The following ENG variants were observed in gnomAD, a reference collection of about 807,000 sequenced individuals.
ENG encodes endoglin.
ENG carries 17 observed loss-of-function variants against 71.0 expected under a neutral mutation model. The observed-to-expected ratio is 0.24, with a 90% CI of 0.16 to 0.36. ENG has a LOEUF of 0.36. Among genes scored for constraint, ENG ranks in the 10% least tolerant of loss-of-function variants. ENG has a pLI of 1.00. For missense variants in ENG, 749 were observed against 868.3 expected (o/e 0.86, Z 1.73); for synonymous variants, 360 against 366.9 (o/e 0.98, Z 0.21).
chr9:127,818,679 G>A (rs763911667), intron 11 of ENG, 37 bp downstream of exon 11: 1 of 1,599,320 alleles, frequency 6.3e-7, no homozygotes, highest in Non-Finnish European at 8.6e-7. Flanking sequence ...AGTTCCAGGA[G>A]CTGGGAGGCC....
At chr9:127,826,927 C>T in intron 3 of ENG, 2 of 517,966 alleles carry the variant, frequency 3.9e-6, no homozygotes, top group Non-Finnish European at 7.0e-6. Context: ...ACATCACCCA[C>T]CCCTCCAGAG....
rs930804071 is a variant in ENG at position 127,838,753 on chromosome 9, G to A, written c.219+4341C>T. Among the ~76,000 whole-genome samples the A allele has an allele frequency of 2.6e-5, 4 of 152,136 alleles. No individual in the cohort carries two copies. The highest frequency in any genetic ancestry group is 4.8e-5 in the African/African-American group (2 of 41,426). On this transcript the variant is annotated intron_variant, in intron 2 of 14. Transcript: ENST00000373203. The surrounding 1 kb of genome is among the most constrained non-coding windows in gnomAD (Gnocchi z 4.3). ...TCCGAGGGTCAGGATGTGACCCTGG[G>A]CCCCCTCCCGGAATCCAGGCTCCGG...
In ENG at chr9:127,825,806, G is replaced by C; in HGVS notation, c.578C>G (p.Thr193Arg). The change falls in exon 5 of 15, where the codon ACG becomes AGG. Residue 193 changes from threonine (T) to arginine (R), a missense_variant. Coordinates refer to ENST00000373203, the MANE Select transcript of ENG (RefSeq NM_001114753.3). ...TGGAGTACGCGGCCGCCACTCGAGC[G>C]TGCGGCCCATGTCCTGGCTGGCTTC... ...MLEASQDMGR[T>R]LEWRPRTPAL... 3 of 1,597,316 alleles carry C rather than the reference G, an allele frequency of 1.9e-6. No individual in the cohort carries two copies. The highest frequency in any genetic ancestry group is 1.7e-6 in the Non-Finnish European group (2 of 1,172,906).
At chr9:127,852,784 C>T (rs1034004034) in intron 1 of ENG, among the ~76,000 whole-genome samples, 1 of 152,200 alleles carries the variant, frequency 6.6e-6, no homozygotes, top group Non-Finnish European at 1.5e-5. Context: ...GGAGTACTTA[C>T]GCTGTGAAAA....
chr9:127,825,430 G>A, intron 5 of ENG, 73 bp from the exon 6 acceptor site: 1 of 1,595,752 alleles, frequency 6.3e-7, no homozygotes, highest in Non-Finnish European at 8.5e-7. Context: ...GGCGTCGGGT[G>A]GGCGGCGGCT....
intron 8 of ENG, among the ~76,000 whole-genome samples, chr9:127,822,041 C>G (rs995665471): frequency 6.6e-6 from 1 of 151,752 alleles, no homozygotes; most frequent in Non-Finnish European, 1.5e-5. Context: ...CAGAGCAAGA[C>G]TGTCTCAAAG....
At chr9:127,849,447 C>T (rs1451417007) in intron 1 of ENG, among the ~76,000 whole-genome samples, 1 of 152,224 alleles carries the variant, frequency 6.6e-6, no homozygotes, top group East Asian at 1.9e-4. Context: ...CTGCCTCTGA[C>T]CTGCTGGGTG....
intron 1 of ENG, among the ~76,000 whole-genome samples, chr9:127,850,851 T>C (rs1174681288): frequency 1.3e-5 from 2 of 152,194 alleles, no homozygotes; most frequent in Non-Finnish European, 2.9e-5. Context: ...TGCATTGTGG[T>C]AGTATTTATA....
Position 127,838,530 on chromosome 9 carries a change from T to C in ENG, c.219+4564A>G, listed in dbSNP as rs1003491959. ...GCCTGCCCCTCTGGTCAAGAGTGAG[T>C]CAGTGCTGGGGCCTGACAGGCTGTG... On this transcript the variant is annotated intron_variant, in intron 2 of 14. Transcript: ENST00000373203. The surrounding 1 kb of genome is among the most constrained non-coding windows in gnomAD (Gnocchi z 4.3). Among the ~76,000 whole-genome samples the C allele has an allele frequency of 1.1e-4, 16 of 151,954 alleles. No individual in the cohort carries two copies. The highest frequency in any genetic ancestry group is 2.1e-4 in the Non-Finnish European group (14 of 67,966).
Position 127,846,888 on chromosome 9 carries a change from C to T in ENG, c.68-3643G>A, listed in dbSNP as rs1466594114. On this transcript the variant is annotated intron_variant, in intron 1 of 14. Coordinates refer to ENST00000373203, the MANE Select transcript of ENG (RefSeq NM_001114753.3). The surrounding 1 kb of genome is among the most constrained non-coding windows in gnomAD (Gnocchi z 5.5). Reference sequence around the variant, plus strand: ...CCCACCACTGTCCCCTCTCCACCCTCGCCACCCATGTGCACACAGCACCTC... The same window carrying T: ...CCCACCACTGTCCCCTCTCCACCCTTGCCACCCATGTGCACACAGCACCTC... 37 of 985,484 alleles carry T rather than the reference C, an allele frequency of 3.8e-5. No homozygotes were observed. The highest frequency in any genetic ancestry group is 4.2e-5 in the Non-Finnish European group (35 of 830,050). The allele number at this position is 985,484 out of a possible 1,614,324, so 61.0% of individuals were successfully genotyped here.
chr9:127,843,848 C>T (rs1158654300), intron 1 of ENG, among the ~76,000 whole-genome samples: 8 of 135,572 alleles, frequency 5.9e-5, no homozygotes, highest in South Asian at 2.3e-4. Flanking sequence ...CTTGGCTCAC[C>T]GCAACCTCCG....
chr9:127,828,019 CAAAAAAAAA>C (rs997493323), intron 3 of ENG, among the ~76,000 whole-genome samples: 19 of 31,194 alleles, frequency 6.1e-4, no homozygotes, highest in South Asian at 3.9e-3. Context: ...AACTCCATCT[CAAAAAAAAA>C]AAAAAAAAAA....
chr9:127,824,275 C>T (rs941569630), intron 8 of ENG, 29 bp downstream of exon 8: 2 of 1,613,920 alleles, frequency 1.2e-6, no homozygotes, highest in Non-Finnish European at 1.7e-6. Context: ...CCATGTCATC[C>T]TGAGCCAGAG....
In ENG at chr9:127,818,839, G is replaced by A. The variant is rs1055144238; in HGVS notation, c.1312-7C>T. On this transcript the variant is annotated splice_polypyrimidine_tract_variant and splice_region_variant and intron_variant, in intron 10 of 14. Coordinates refer to ENST00000373203, the MANE Select transcript of ENG (RefSeq NM_001114753.3). ...TGAGGCAGTGCACCTTTTTCTGGGG[G>A]AGGACGGGAGGGAGACTTGGTCAAT... 1.9e-6 allele frequency: 3 copies of A among 1,613,610 alleles called. No individual in the cohort carries two copies. The highest frequency in any genetic ancestry group is 1.1e-5 in the South Asian group (1 of 91,058).
At chr9:127,828,561 G>T (rs531243526) in intron 3 of ENG, among the ~76,000 whole-genome samples, 1 of 152,182 alleles carries the variant, frequency 6.6e-6, no homozygotes, top group East Asian at 1.9e-4. Flanking sequence ...TGGGCTGCAC[G>T]GACTCAGATC....
intron 1 of ENG, among the ~76,000 whole-genome samples, chr9:127,849,029 A>G (rs1241349442): frequency 6.6e-6 from 1 of 151,452 alleles, no homozygotes; most frequent in Non-Finnish European, 1.5e-5. Flanking sequence ...ATGTGCTTTG[A>G]CCTCACAAAC....
chr9:127,831,848 C>T (rs935206418), intron 2 of ENG, among the ~76,000 whole-genome samples: 5 of 150,860 alleles, frequency 3.3e-5, no homozygotes, highest in African/African-American at 1.2e-4. Context: ...TGTGCCACCA[C>T]ACCAGATTAA....
intron 12 of ENG, chr9:127,817,690 T>A (rs1830360918): frequency 2.9e-6 from 1 of 349,034 alleles, no homozygotes; most frequent in Non-Finnish European, 5.5e-6. Flanking sequence ...CACCAGATGG[T>A]GAAGTGTTGT....
chr9:127,817,805 T>G (rs1830364848), intron 12 of ENG: 1 of 503,848 alleles, frequency 2.0e-6, no homozygotes, highest in African/African-American at 1.9e-5. Flanking sequence ...TACATGGATG[T>G]GCGGGTGGTT....
Sources: allele counts gnomAD v4.1 joint callset (sites outside exome capture counted in the v4.1 genomes callset), GRCh38; gene constraint gnomAD v4.1.1; non-coding constraint Gnocchi (gnomAD v3.1); transcripts MANE v1.5; gene names NCBI Gene and HGNC (gene_info 2026-07-23, HGNC 2026-07-21).